Variants in LPCAT4 observed in about 807,000 individuals in gnomAD.
LPCAT4 encodes lysophospholipid acyltransferase LPCAT4.
A neutral mutation model predicts 66.5 loss-of-function variants in LPCAT4; 30 were observed. The observed-to-expected ratio is 0.45, with a 90% CI of 0.34 to 0.61. LPCAT4 has a LOEUF of 0.61. LPCAT4 is among the 20% of genes least tolerant of loss of function. The pLI is 0.01. For missense variants in LPCAT4, 557 were observed against 656.7 expected, an observed-to-expected ratio of 0.85 and a Z score of 1.66; for synonymous variants, 253 against 262.1, an observed-to-expected ratio of 0.97 and a Z score of 0.34.
intron 11 of LPCAT4, chr15:34,361,087 C>T (rs1890931540): frequency 1.4e-6 from 1 of 705,976 alleles, no homozygotes; most frequent in Non-Finnish European, 1.9e-6. Flanking sequence ...CTTCAAAGAC[C>T]CTCACCCAGC....
At chr15:34,366,166 T>G (rs973310857) in intron 1 of LPCAT4, among the ~76,000 whole-genome samples, 1 of 152,008 alleles carries the variant, frequency 6.6e-6, no homozygotes, top group African/African-American at 2.4e-5. Context: ...CAGCCAGAGG[T>G]CCAGTTTTCA....
chr15:34,360,239 G>A (rs774202720), intron 11 of LPCAT4, 30 bp from the exon 12 acceptor site: 18 of 1,571,782 alleles, frequency 1.1e-5, no homozygotes, highest in Admixed American at 3.3e-5. Flanking sequence ...AGGGCAATGC[G>A]GGGACCCTGC....
chr15:34,365,532 G>A (rs1263559754), intron 2 of LPCAT4, 27 bp downstream of exon 2: 1 of 1,614,022 alleles, frequency 6.2e-7, no homozygotes, highest in East Asian at 2.2e-5. Context: ...GAGAAGTAGG[G>A]TCTCTGGGGG....
intron 13 of LPCAT4, 43 bp from the exon 14 acceptor site, chr15:34,359,345 C>G: frequency 6.9e-7 from 1 of 1,456,010 alleles, no homozygotes; most frequent in Non-Finnish European, 9.1e-7. Context: ...GATCTAAGAA[C>G]GAGAAGAGAA....
Position 34,362,606 on chromosome 15 carries a change from A to T in LPCAT4, c.851T>A (p.Leu284His). The change falls in exon 9 of 14, where the codon CTC becomes CAC. Residue 284 changes from leucine (L) to histidine (H), a missense_variant. Transcript: ENST00000314891. ...PSPEESRDPTLYANNVQRVMA... is the reference protein window; with the variant it reads ...PSPEESRDPTHYANNVQRVMA... The stretch of plus-strand genomic sequence containing the variant: ...GACCCTCTGAACATTGTTGGCATAG[A>T]GGGTGGGGTCCCTGCTCTCCTCAGG... 6.4e-7 allele frequency: 1 copy of T among 1,566,358 alleles called. No individual in the cohort carries two copies. Among genetic ancestry groups the T allele is most frequent in the Non-Finnish European group, 8.7e-7 (1 of 1,155,886 alleles).
At position 34,362,343 on chromosome 15, in the gene LPCAT4, G is replaced by A. The variant is rs1220432419; in HGVS notation, c.885-22C>T. 3.1e-6 allele frequency: 5 copies of A among 1,613,670 alleles called. No individual in the cohort carries two copies. The Admixed American group carries it at 6.7e-5, about 22-fold the overall frequency. On this transcript the variant is annotated intron_variant, in intron 9 of 13. Transcript: ENST00000314891. ...AGCCCTACAGGATGAAGAGGGATGG[G>A]ATGGAGGGTAAGGAAGCAGAAGAAA...
In LPCAT4 at chr15:34,363,016, A is replaced by G. The variant is rs116407140; in HGVS notation, c.747-180T>C. The G allele has an allele frequency of 1.9e-3, 1,222 of 657,050 alleles. 15 individuals are homozygous for G. The African/African-American group carries it at 0.019, about 10-fold the overall frequency. The allele number at this position is 657,050 out of a possible 1,614,324, so 40.7% of individuals were successfully genotyped here. A position where few individuals can be genotyped will look rare whatever the true frequency, so the allele number is the denominator to read the frequency against. On this transcript the variant is annotated intron_variant, in intron 7 of 13. Transcript: ENST00000314891. This position sits in a 1 kb window ranked among gnomAD's most constrained non-coding sequence, Gnocchi z 4.3. ...GGTGAATATGCAGTTGGGAGACACA[A>G]GGAACGGCCAGAAACGCGGTAGGGA...
Position 34,359,302 on chromosome 15 carries a change from C to T in LPCAT4, c.1400G>A (p.Cys467Tyr). The part of the protein sequence containing the change: ...QAGSSQGLSL[C>Y]QFQNFSLHDP... The stretch of plus-strand genomic sequence containing the variant: ...ATGGAGGGAGAAGTTCTGGAACTGA[C>T]CTGGACAAATAAGAGATGGGGAAAA... The change falls in exon 14 of 14, where the codon TGT becomes TAT. Residue 467 changes from cysteine (C) to tyrosine (Y), a missense_variant and splice_region_variant. By Grantham distance (194) the Cys-to-Tyr change is radical. This residue lies in a region of LPCAT4 where 392 missense variants were observed against 473.9 expected (regional missense o/e 0.83). Coordinates refer to ENST00000314891, the MANE Select transcript of LPCAT4 (RefSeq NM_153613.3). 6.7e-7 allele frequency: 1 copy of T among 1,502,226 alleles called. No individual in the cohort carries two copies. Among genetic ancestry groups the T allele is most frequent in the Non-Finnish European group, 8.9e-7 (1 of 1,126,916 alleles). The allele number at this position is 1,502,226 out of a possible 1,614,324, so 93.1% of individuals were successfully genotyped here.
Position 34,363,413 on chromosome 15 carries a change from A to C in LPCAT4, c.746+9T>G. The C allele has an allele frequency of 6.2e-7, 1 of 1,613,826 alleles. No individual in the cohort carries two copies. The highest frequency in any genetic ancestry group is 8.5e-7 in the Non-Finnish European group (1 of 1,179,892). ...CCCCACCCTCACCCCCAGGAATACC[A>C]GAACTCACACTCCAGGACCCCTCCA... On this transcript the variant is annotated intron_variant, in intron 7 of 13. Transcript: ENST00000314891. This position sits in a 1 kb window ranked among gnomAD's most constrained non-coding sequence, Gnocchi z 4.3.
chr15:34,360,185 G>A lies in LPCAT4; in HGVS notation c.1168C>T (p.Arg390Ter). 2 of 1,613,686 alleles carry A rather than the reference G, an allele frequency of 1.2e-6. No homozygotes were observed. The highest frequency in any genetic ancestry group is 1.1e-5 in the South Asian group (1 of 91,068). Residue 390 changes from arginine (R) to a stop codon, truncating the protein, a stop_gained, in exon 12 of 14, where the codon CGA (arginine) becomes TGA (stop). Coordinates refer to ENST00000314891, the MANE Select transcript of LPCAT4 (RefSeq NM_153613.3). LOFTEE classifies it high-confidence loss of function. ...GCTGCTAGTGCAAGGGCCACATCTC[G>A]GAAGTCCACCAAACCCTTGGTATCC... is the stretch of plus-strand genomic sequence containing the variant. ...QQDTKGLVDF[R>*]DVALALAALD...
chr15:34,365,317 C>G, intron 2 of LPCAT4, 89 bp from the exon 3 acceptor site: 2 of 1,357,952 alleles, frequency 1.5e-6, no homozygotes, highest in Non-Finnish European at 2.0e-6. Flanking sequence ...TAGGGCACCC[C>G]TCTTTTACCC....
Position 34,359,009 on chromosome 15 carries a change from TA to T in LPCAT4, c.*117del, listed in dbSNP as rs201560543. The T allele has an allele frequency of 8.5e-6, 7 of 826,256 alleles. No individual in the cohort carries two copies. Among genetic ancestry groups the T allele is most frequent in the Non-Finnish European group, 5.1e-6 (3 of 590,808 alleles). 51.2% of individuals were successfully genotyped at this position (826,256 alleles called of 1,614,324 possible). Reference sequence around the variant, plus strand: ...ACCAAACAAAAAATTAAAATCAACTTAAAAAAACAACAACCAAACAACAATA... The same window carrying T: ...ACCAAACAAAAAATTAAAATCAACTTAAAAAACAACAACCAAACAACAATA... On this transcript the variant is annotated 3_prime_UTR_variant, in exon 14 of 14. Transcript: ENST00000314891.
At chr15:34,364,954 CT>C in intron 3 of LPCAT4, 53 bp downstream of exon 3, 4 of 1,506,476 alleles carry the variant, frequency 2.7e-6, no homozygotes, top group East Asian at 2.3e-5. Context: ...CCATTCCTGA[CT>C]TTTTTTGCCC....
rs1207017712 is a variant in LPCAT4, at chr15:34,362,651, A to C, written c.806T>G (p.Leu269Arg). The C allele has an allele frequency of 6.2e-7, 1 of 1,600,858 alleles. No homozygotes were observed. Among genetic ancestry groups the C allele is most frequent in the Non-Finnish European group, 8.5e-7 (1 of 1,172,058 alleles). The change falls in exon 9 of 14, where the codon CTT becomes CGT. Residue 269 changes from leucine to arginine, a missense_variant. Coordinates refer to ENST00000314891, the MANE Select transcript of LPCAT4 (RefSeq NM_153613.3). ...CTCAGGGCTGGGGTGATACACAGGA[A>C]GGAACTGAAACACAGACACACACAA... ...QPCSIVDVEFLPVYHPSPEES... is the reference protein window; with the variant it reads ...QPCSIVDVEFRPVYHPSPEES...
intron 13 of LPCAT4, 34 bp downstream of exon 13, chr15:34,359,555 G>A (rs1271124519): frequency 1.2e-6 from 2 of 1,600,632 alleles, no homozygotes; most frequent in Non-Finnish European, 1.7e-6. Context: ...GGTGCCCCAA[G>A]TGCCCGTGTG....
Position 34,363,970 on chromosome 15 carries a change from C to T in LPCAT4, c.652+43G>A. 6.3e-7 allele frequency: 1 copy of T among 1,584,750 alleles called. No individual in the cohort carries two copies. The highest frequency in any genetic ancestry group is 8.6e-7 in the Non-Finnish European group (1 of 1,156,540). ...TCAGAGTCCCTCCCCAAATCTGGAA[C>T]TTCTTTTTCCTACAGCCCACCACCC... On this transcript the variant is annotated intron_variant, in intron 5 of 13. Transcript: ENST00000314891. This position sits in a 1 kb window ranked among gnomAD's most constrained non-coding sequence, Gnocchi z 4.3.
chr15:34,364,682 G>A (rs1891033868), intron 3 of LPCAT4: 2 of 285,276 alleles, frequency 7.0e-6, no homozygotes, highest in Admixed American at 4.9e-5. Flanking sequence ...TCGAACTCCC[G>A]ACCTCAGGTG....
At chr15:34,361,569 G>T in intron 10 of LPCAT4, 37 bp from the exon 11 acceptor site, 2 of 1,609,572 alleles carry the variant, frequency 1.2e-6, no homozygotes, top group Non-Finnish European at 1.7e-6. Context: ...AGCTGTCTCA[G>T]TTTCCTTCTG....
At chr15:34,365,455 G>A (rs1387331955) in intron 2 of LPCAT4, 104 bp downstream of exon 2, 8 of 1,512,486 alleles carry the variant, frequency 5.3e-6, no homozygotes, top group Non-Finnish European at 7.2e-6. Flanking sequence ...ACCCAAGCTA[G>A]ACAGAATAGT....
Sources: gnomAD v4.1 joint callset for allele counts (sites outside exome capture counted in the v4.1 genomes callset) on GRCh38, gnomAD v4.1.1 for gene constraint, gnomAD v4.1.1 regional missense constraint, Gnocchi (gnomAD v3.1) non-coding constraint, MANE v1.5 for transcripts, NCBI Gene and HGNC (gene_info 2026-07-23, HGNC 2026-07-21) for gene names.